The following MORC1 variants were observed in gnomAD, a reference collection of about 807,000 sequenced individuals.
MORC1 encodes MORC family CW-type zinc finger protein 1.
A neutral mutation model predicts 134.9 loss-of-function variants in MORC1; 59 were observed. The observed-to-expected ratio is 0.44, with a 90% confidence interval of 0.35 to 0.54. The LOEUF (loss-of-function observed/expected upper bound fraction) is 0.54, where lower values mean the gene tolerates loss of function less well. Among genes scored for constraint, MORC1 ranks in the 20% least tolerant of loss-of-function variants. The probability of loss-of-function intolerance (pLI) is 0.00; values close to 1 mark genes in which losing one functional copy is unlikely to be tolerated. For synonymous variants in MORC1, 395 were observed against 391.7 expected, an observed-to-expected ratio of 1.01 and a Z score of -0.10; for missense variants, 947 against 1,134.5, an observed-to-expected ratio of 0.83 and a Z score of 2.37.
intron 23 of MORC1, among the ~76,000 whole-genome samples, chr3:108,982,500 T>C (rs1576593558): frequency 6.7e-6 from 1 of 149,590 alleles, no homozygotes; most frequent in East Asian, 1.9e-4. Context: ...ACACTGCATG[T>C]TCTCACTCAT....
chr3:109,077,493 C>CT (rs757232432), intron 8 of MORC1, among the ~76,000 whole-genome samples: 1 of 151,888 alleles, frequency 6.6e-6, no homozygotes, highest in Non-Finnish European at 1.5e-5. Context: ...CTAATTAACT[C>CT]TACAGTTTGA....
chr3:109,071,417 T>C (rs4582069), intron 8 of MORC1, among the ~76,000 whole-genome samples: 2,764 of 152,230 alleles, frequency 0.018, 84 homozygotes, highest in African/African-American at 0.063. Context: ...TAACTAGTTA[T>C]AGGTAAATAT....
chr3:109,062,949 TATA>T (rs941457309), intron 10 of MORC1, among the ~76,000 whole-genome samples, 200 bp downstream of exon 10: 1 of 152,128 alleles, frequency 6.6e-6, no homozygotes, highest in Admixed American at 6.5e-5. Context: ...GGATCATACT[TATA>T]ATAATAATTA....
At chr3:108,963,252 C>A (rs1947129871) in intron 27 of MORC1, among the ~76,000 whole-genome samples, 162 bp downstream of exon 27, 1 of 151,702 alleles carries the variant, frequency 6.6e-6, no homozygotes, top group South Asian at 2.1e-4. Context: ...TATGCCTTCA[C>A]AGTTCATTTA....
chr3:109,040,402 GA>G (rs375653262), intron 14 of MORC1, among the ~76,000 whole-genome samples: 1,797 of 18,900 alleles, frequency 0.095, 78 homozygotes, highest in Non-Finnish European at 0.16. Flanking sequence ...AAGAAAGAAA[GA>G]GAAGGAAGGA....
Position 108,996,286 on chromosome 3 carries a change from G to GCGCGCGCACACACACACACACA in MORC1, c.2187+4270_2187+4271insTGTGTGTGTGTGTGTGCGCGCG. On this transcript the variant is annotated intron_variant, in intron 21 of 27. Transcript: ENST00000232603. ...CATGTGCGCGTGCGTGCGCGCGCGC[G>GCGCGCGCACACACACACACACA]CACACACACACACACACACACAACT... Among the ~76,000 whole-genome samples the GCGCGCGCACACACACACACACA allele has an allele frequency of 6.5e-3, 947 of 146,434 alleles. 1 individual carries two copies. Among genetic ancestry groups the GCGCGCGCACACACACACACACA allele is most frequent in the Non-Finnish European group, 8.4e-3 (560 of 66,506 alleles).
chr3:109,042,804 G>A (rs1245075821), intron 14 of MORC1, among the ~76,000 whole-genome samples: 1 of 152,102 alleles, frequency 6.6e-6, no homozygotes, highest in African/African-American at 2.4e-5. Context: ...TGAACATTAC[G>A]TTAAGTGAAA....
At chr3:109,046,423 T>G (rs1043188556) in intron 14 of MORC1, among the ~76,000 whole-genome samples, 1 of 152,256 alleles carries the variant, frequency 6.6e-6, no homozygotes, top group Admixed American at 6.5e-5. Flanking sequence ...ATATTCCAGT[T>G]TCCCTCTAAA....
intron 17 of MORC1, among the ~76,000 whole-genome samples, chr3:109,012,337 C>T (rs930228070): frequency 2.6e-5 from 4 of 152,274 alleles, no homozygotes; most frequent in African/African-American, 9.6e-5. Context: ...ACCACACTGA[C>T]TTAATTACAG....
intron 16 of MORC1, among the ~76,000 whole-genome samples, chr3:109,028,838 C>T (rs3828382): frequency 0.16 from 24,282 of 152,070 alleles, 2,173 homozygotes; most frequent in African/African-American, 0.23. Context: ...GGAAGGAACA[C>T]GCAGTAGTGT....
chr3:108,967,004 G>GT (rs1321649071), intron 26 of MORC1, among the ~76,000 whole-genome samples: 2 of 152,198 alleles, frequency 1.3e-5, no homozygotes, highest in Non-Finnish European at 2.9e-5. Flanking sequence ...AGTGACTTAT[G>GT]TAAGTTTCTC....
At chr3:108,962,418 G>A (rs149166354) in intron 27 of MORC1, among the ~76,000 whole-genome samples, 9 of 152,234 alleles carry the variant, frequency 5.9e-5, no homozygotes, top group African/African-American at 2.2e-4. Flanking sequence ...CAGGCAGCCT[G>A]GCTTCAAGGT....
At chr3:108,971,457 C>T (rs1308318434) in intron 24 of MORC1, 55 bp from the exon 25 acceptor site, 1 of 1,482,674 alleles carries the variant, frequency 6.7e-7, no homozygotes, top group East Asian at 2.3e-5. Context: ...AGAGGTAGCA[C>T]TCAACTGTCA....
In MORC1 at chr3:108,984,785, T is replaced by G. The variant is rs765159379; in HGVS notation, c.2258-3A>C. On this transcript the variant is annotated splice_region_variant and splice_polypyrimidine_tract_variant and intron_variant, in intron 22 of 27. Transcript: ENST00000232603. ...ATCATTGCACAGCTCCTGTTTTTCTTCAAAAGAACATAGACAAACAATCGC... is the reference window on the plus strand; with the variant it reads ...ATCATTGCACAGCTCCTGTTTTTCTGCAAAAGAACATAGACAAACAATCGC... 3 of 1,602,590 alleles carry G rather than the reference T, an allele frequency of 1.9e-6. No individual in the cohort carries two copies. The African/African-American group carries it at 4.0e-5, about 22-fold the overall frequency.
intron 20 of MORC1, among the ~76,000 whole-genome samples, chr3:109,002,311 G>C (rs1448109171): frequency 6.6e-6 from 1 of 152,108 alleles, no homozygotes; most frequent in African/African-American, 2.4e-5. Context: ...ATAGAGAAGA[G>C]ATAAAGCAAG....
rs375849576 is a variant in MORC1, at chr3:109,005,235, C to G, written c.1848G>C (p.Ala616=). 1.2e-6 allele frequency: 2 copies of G among 1,613,816 alleles called. No individual in the cohort carries two copies. The highest frequency in any genetic ancestry group is 2.2e-5 in the South Asian group (2 of 91,050). The change falls in exon 19 of 28, where the codon GCG becomes GCC. Residue 616 remains alanine (A), a synonymous_variant. Coordinates refer to ENST00000232603, the MANE Select transcript of MORC1 (RefSeq NM_014429.4). The part of the protein sequence containing the change: ...HESLSSFELS[A]SRRGQKRNIE... ...TGTTTCTTTTCTGTCCTCTACGGCT[C>G]GCTGAAAGCTCAAAGGATGAAAGAG...
At chr3:109,058,934 C>CA (rs1950020631) in intron 12 of MORC1, among the ~76,000 whole-genome samples, 1 of 152,068 alleles carries the variant, frequency 6.6e-6, no homozygotes, top group African/African-American at 2.4e-5. Context: ...TGAACCATCT[C>CA]ATACAGTGAA....
intron 14 of MORC1, among the ~76,000 whole-genome samples, chr3:109,038,198 G>A (rs1157232186): frequency 1.3e-5 from 2 of 152,074 alleles, no homozygotes; most frequent in Non-Finnish European, 2.9e-5. Context: ...GAGCAGTGAT[G>A]ATGAGCATTT....
intron 6 of MORC1, among the ~76,000 whole-genome samples, chr3:109,096,591 C>T (rs1176150213): frequency 6.6e-6 from 1 of 152,170 alleles, no homozygotes; most frequent in African/African-American, 2.4e-5. Flanking sequence ...ATTGCCCACC[C>T]TATTCCTGGA....
Sources: gnomAD v4.1 joint callset for allele counts (sites outside exome capture counted in the v4.1 genomes callset) on GRCh38, gnomAD v4.1.1 for gene constraint, MANE v1.5 for transcripts, NCBI Gene and HGNC (gene_info 2026-07-23, HGNC 2026-07-21) for gene names.